The following CATSPERE variants were observed in gnomAD, a reference collection of about 807,000 sequenced individuals.
The protein encoded by CATSPERE is catsper channel auxiliary subunit epsilon, also known as cation channel sperm-associated auxiliary subunit epsilon.
In CATSPERE, 93 loss-of-function variants were observed where a neutral mutation model predicts 114.1. The ratio of observed to expected loss-of-function variants is 0.81; its 90% CI spans 0.69 to 0.97. CATSPERE has a LOEUF of 0.97. CATSPERE is among the 50% of genes least tolerant of loss of function. The pLI is 0.00. For missense variants in CATSPERE, 1,058 were observed against 1,131.6 expected, an observed-to-expected ratio of 0.93 and a Z score of 0.93; for synonymous variants, 341 against 384.1, an observed-to-expected ratio of 0.89 and a Z score of 1.31.
At chr1:244,624,781 G>A (rs565322655) in intron 20 of CATSPERE, among the ~76,000 whole-genome samples, 8 of 151,788 alleles carry the variant, frequency 5.3e-5, no homozygotes, top group African/African-American at 1.5e-4. Flanking sequence ...CAGCCTGGGC[G>A]ACAGAGCGAG....
chr1:244,534,359 A>G (rs924223887), intron 8 of CATSPERE, among the ~76,000 whole-genome samples: 1 of 152,008 alleles, frequency 6.6e-6, no homozygotes, highest in Non-Finnish European at 1.5e-5. Flanking sequence ...TTCTACCCCT[A>G]TCTCTGTCTC....
intron 17 of CATSPERE, among the ~76,000 whole-genome samples, chr1:244,601,333 C>G (rs191537734): frequency 2.9e-4 from 44 of 152,100 alleles, no homozygotes; most frequent in Admixed American, 1.4e-3. Context: ...GGGGAAATTA[C>G]AGAAAATGCG....
In CATSPERE at chr1:244,552,732, T is replaced by G. The variant is rs780738352; in HGVS notation, c.947T>G (p.Leu316Arg). The G allele has an allele frequency of 1.9e-6, 3 of 1,613,734 alleles. No homozygotes were observed. Among genetic ancestry groups the G allele is most frequent in the African/African-American group, 1.3e-5 (1 of 74,916 alleles). Residue 316 changes from leucine to arginine, a missense_variant, in exon 9 of 22, where the codon CTG (leucine) becomes CGG (arginine). By Grantham distance (102) the Leu-to-Arg change is moderately radical. Around this residue, in one of 2 missense-constraint regions of CATSPERE, gnomAD observed 787 missense variants for 905.6 expected, o/e 0.87. Coordinates refer to ENST00000366534, the MANE Select transcript of CATSPERE (RefSeq NM_001130957.2). ...YIKSFRGFIR[L>R]GGIVNLPDGG... ...AAGAGTTTTCGTGGATTTATAAGACTGGGAGGAATTGTAAATCTTCCTGAT... is the reference window on the plus strand; with the variant it reads ...AAGAGTTTTCGTGGATTTATAAGACGGGGAGGAATTGTAAATCTTCCTGAT...
intron 5 of CATSPERE, among the ~76,000 whole-genome samples, chr1:244,488,456 A>G (rs1021145721): frequency 1.3e-5 from 2 of 152,146 alleles, no homozygotes; most frequent in African/African-American, 4.8e-5. Context: ...TCTTATTCTC[A>G]ACTCTACACT....
chr1:244,490,595 G>T, intron 6 of CATSPERE, 124 bp downstream of exon 6: 7 of 619,046 alleles, frequency 1.1e-5, no homozygotes, highest in Non-Finnish European at 2.0e-5. Flanking sequence ...TTTGCTTAGA[G>T]TATACCTTTC....
chr1:244,561,014 T>G lies in CATSPERE; in HGVS notation c.1376T>G (p.Leu459Arg), dbSNP rs1012936798. 1.2e-6 allele frequency: 2 copies of G among 1,613,382 alleles called. No homozygotes were observed. The highest frequency in any genetic ancestry group is 1.3e-5 in the African/African-American group (1 of 74,926). Reference sequence around the variant, plus strand: ...ACATTTTCAGCACTGCCAGGATTACTGCTATGGAACAAGCATAGTATCTAC... The same window carrying G: ...ACATTTTCAGCACTGCCAGGATTACGGCTATGGAACAAGCATAGTATCTAC... ...HFTFSALPGL[L>R]LWNKHSIYYC... The change falls in exon 10 of 22, where the codon CTG becomes CGG. Residue 459 changes from leucine to arginine, a missense_variant. Around this residue, in one of 2 missense-constraint regions of CATSPERE, gnomAD observed 787 missense variants for 905.6 expected, o/e 0.87. Coordinates refer to ENST00000366534, the MANE Select transcript of CATSPERE (RefSeq NM_001130957.2).
chr1:244,561,242 T>C (rs762714288), intron 10 of CATSPERE, 97 bp downstream of exon 10: 13 of 895,408 alleles, frequency 1.5e-5, no homozygotes, highest in Non-Finnish European at 2.1e-5. Context: ...ATGTGTGGCG[T>C]TTTTGGCAGC....
chr1:244,598,844 A>G lies in CATSPERE; in HGVS notation c.2303+5266A>G, dbSNP rs557446299. The stretch of plus-strand genomic sequence containing the variant: ...CATCTCAACTTTCTCTTTGAATGTC[A>G]TCATCCAGTCACATGGGCCAGGATG... On this transcript the variant is annotated intron_variant, in intron 17 of 21. Coordinates refer to ENST00000366534, the MANE Select transcript of CATSPERE (RefSeq NM_001130957.2). Among the ~76,000 whole-genome samples the G allele has an allele frequency of 4.6e-5, 7 of 152,084 alleles. 1 individual carries two copies. In the South Asian group the frequency reaches 1.5e-3, roughly 32 times the overall value.
chr1:244,531,082 T>TA (rs766173355), intron 8 of CATSPERE, among the ~76,000 whole-genome samples: 1 of 149,578 alleles, frequency 6.7e-6, no homozygotes, highest in Non-Finnish European at 1.5e-5. Flanking sequence ...AAAAAAAATT[T>TA]AAAAAAAGCC....
At chr1:244,613,194 T>G (rs946460687) in intron 19 of CATSPERE, among the ~76,000 whole-genome samples, 3 of 152,206 alleles carry the variant, frequency 2.0e-5, no homozygotes, top group Non-Finnish European at 2.9e-5. Context: ...CATGGACCCA[T>G]GTATTAAGTA....
At chr1:244,585,547 C>G (rs958830324) in intron 13 of CATSPERE, among the ~76,000 whole-genome samples, 1 of 152,220 alleles carries the variant, frequency 6.6e-6, no homozygotes, top group Non-Finnish European at 1.5e-5. Context: ...TGAAGTATGC[C>G]TTCAACCACA....
At chr1:244,531,575 A>C (rs142803092) in intron 8 of CATSPERE, among the ~76,000 whole-genome samples, 214 of 152,104 alleles carry the variant, frequency 1.4e-3, no homozygotes, top group African/African-American at 4.6e-3. Context: ...TTTCGGTATT[A>C]ATTGAAATGA....
intron 20 of CATSPERE, among the ~76,000 whole-genome samples, chr1:244,625,002 G>A (rs1573072422): frequency 1.3e-5 from 2 of 151,962 alleles, no homozygotes; most frequent in African/African-American, 2.4e-5. Flanking sequence ...CCATTCATGA[G>A]GGTTAGAATC....
chr1:244,526,656 T>C (rs1447577933), intron 8 of CATSPERE, among the ~76,000 whole-genome samples: 9 of 150,988 alleles, frequency 6.0e-5, no homozygotes, highest in East Asian at 1.9e-4. Context: ...TTTTCTTTTT[T>C]TTTTTTTTTT....
chr1:244,531,413 G>A (rs1334473287), intron 8 of CATSPERE, among the ~76,000 whole-genome samples: 1 of 152,024 alleles, frequency 6.6e-6, no homozygotes, highest in Non-Finnish European at 1.5e-5. Context: ...CCAGATCTTA[G>A]AGGAAAAGCT....
intron 11 of CATSPERE, 75 bp from the exon 12 acceptor site, chr1:244,581,721 G>T: frequency 1.6e-6 from 1 of 636,728 alleles, no homozygotes; most frequent in Non-Finnish European, 2.9e-6. Flanking sequence ...GATGTAGAAA[G>T]CCATATGCTA....
chr1:244,460,216 C>T (rs184312695), upstream of CATSPERE, among the ~76,000 whole-genome samples: 1 of 152,322 alleles, frequency 6.6e-6, no homozygotes, highest in African/African-American at 2.4e-5. Flanking sequence ...GACTAGATTG[C>T]CTTTGTAGGA....
At chr1:244,476,296 A>G (rs1015404200) in intron 2 of CATSPERE, among the ~76,000 whole-genome samples, 34 of 152,136 alleles carry the variant, frequency 2.2e-4, no homozygotes, top group African/African-American at 7.5e-4. Flanking sequence ...GTAAAAAGAA[A>G]AAACTTTAGG....
intron 8 of CATSPERE, among the ~76,000 whole-genome samples, chr1:244,520,197 A>G (rs1677290813): frequency 6.8e-6 from 1 of 147,572 alleles, no homozygotes; most frequent in South Asian, 2.1e-4. Flanking sequence ...TGCCGTATCA[A>G]GGAAACCATT....
Sources: gnomAD v4.1 joint callset for allele counts (sites outside exome capture counted in the v4.1 genomes callset) on GRCh38, gnomAD v4.1.1 for gene constraint, gnomAD v4.1.1 regional missense constraint, MANE v1.5 for transcripts, NCBI Gene and HGNC (gene_info 2026-07-23, HGNC 2026-07-21) for gene names.